Variants in IQGAP2 observed in about 807,000 individuals in gnomAD.
The protein encoded by IQGAP2 is IQ motif containing GTPase activating protein 2, also known as ras GTPase-activating-like protein IQGAP2.
Under a neutral mutation model 201.3 loss-of-function variants are expected in IQGAP2, and 173 were observed. The ratio of observed to expected loss-of-function variants is 0.86; its 90% CI spans 0.76 to 0.98. The LOEUF (loss-of-function observed/expected upper bound fraction) is 0.98, where lower values mean the gene tolerates loss of function less well. Among genes scored for constraint, IQGAP2 ranks in the 50% least tolerant of loss-of-function variants. The pLI, the probability that IQGAP2 is intolerant of heterozygous loss-of-function variation, is 0.00. For synonymous variants in IQGAP2, 675 were observed against 673.9 expected, an observed-to-expected ratio of 1.00 and a Z score of -0.03; for missense variants, 1,687 against 1,864.8, an observed-to-expected ratio of 0.90 and a Z score of 1.76.
chr5:76,590,658 T>C, intron 8 of IQGAP2, 72 bp downstream of exon 8: 3 of 1,142,046 alleles, frequency 2.6e-6, no homozygotes, highest in Non-Finnish European at 3.7e-6. Flanking sequence ...AGCCTTAATG[T>C]TGAAAGCAAT....
In IQGAP2 at chr5:76,477,727, TTATCATAGGAGATA is replaced by T. The variant is rs1310487861; in HGVS notation, c.146+16059_146+16072del. 5.3e-5 allele frequency among the ~76,000 whole-genome samples: 8 copies of T among 152,280 alleles called. 2 individuals carry two copies. The highest frequency in any genetic ancestry group is 1.9e-4 in the African/African-American group (8 of 41,552). On this transcript the variant is annotated intron_variant, in intron 2 of 35. Coordinates refer to ENST00000274364, the MANE Select transcript of IQGAP2 (RefSeq NM_006633.5). ...GGAGGCACTGGAGGAGAAGGCATTG[TTATCATAGGAGATA>T]ACAGCTCCATGCAGACCTTTCAGTG...
chr5:76,517,394 C>G (rs1758395822), intron 2 of IQGAP2, among the ~76,000 whole-genome samples: 1 of 152,086 alleles, frequency 6.6e-6, no homozygotes, highest in Non-Finnish European at 1.5e-5. Flanking sequence ...CATAATCATA[C>G]AGATTCATGC....
chr5:76,606,085 A>G, intron 11 of IQGAP2, 94 bp from the exon 12 acceptor site: 1 of 1,109,452 alleles, frequency 9.0e-7, no homozygotes, highest in Non-Finnish European at 1.3e-6. Context: ...TAACTTCATA[A>G]CAACTATGTT....
intron 17 of IQGAP2, among the ~76,000 whole-genome samples, chr5:76,645,159 T>G (rs1343719964): frequency 6.6e-6 from 1 of 152,054 alleles, no homozygotes; most frequent in Non-Finnish European, 1.5e-5. Context: ...TTCATCCATG[T>G]CCCTGCAAAG....
intron 1 of IQGAP2, 145 bp from the exon 2 acceptor site, chr5:76,461,425 A>T: frequency 1.9e-6 from 1 of 529,710 alleles, no homozygotes; most frequent in Admixed American, 3.4e-5. Context: ...TCCAAAGGCA[A>T]ATTTCTCTCT....
intron 2 of IQGAP2, among the ~76,000 whole-genome samples, chr5:76,462,418 A>G (rs1456985805): frequency 1.3e-5 from 2 of 152,162 alleles, no homozygotes; most frequent in African/African-American, 2.4e-5. Flanking sequence ...TTTAGATTAA[A>G]TAAATGTTGC....
At chr5:76,636,914 C>A in intron 15 of IQGAP2, 120 bp from the exon 16 acceptor site, 1 of 772,450 alleles carries the variant, frequency 1.3e-6, no homozygotes, top group East Asian at 3.0e-5. Flanking sequence ...CTTCTGATGC[C>A]TTTGGCTGTC....
At chr5:76,494,178 T>C (rs750192919) in intron 2 of IQGAP2, among the ~76,000 whole-genome samples, 3 of 152,176 alleles carry the variant, frequency 2.0e-5, no homozygotes, top group Non-Finnish European at 4.4e-5. Flanking sequence ...AAGGGCCAGG[T>C]GTATATTTTA....
intron 2 of IQGAP2, among the ~76,000 whole-genome samples, chr5:76,543,369 T>A (rs1029961149): frequency 6.6e-6 from 1 of 152,170 alleles, no homozygotes; most frequent in African/African-American, 2.4e-5. Context: ...GGTGAAGCAT[T>A]TCAGTGATCA....
chr5:76,495,263 G>T (rs1051570190), intron 2 of IQGAP2, among the ~76,000 whole-genome samples: 1 of 152,186 alleles, frequency 6.6e-6, no homozygotes, highest in African/African-American at 2.4e-5. Flanking sequence ...GAGCACAAAC[G>T]GTCTGCTCTG....
chr5:76,421,963 G>C (rs974747300), intron 1 of IQGAP2, among the ~76,000 whole-genome samples: 47 of 152,198 alleles, frequency 3.1e-4, no homozygotes, highest in African/African-American at 1.1e-3. Flanking sequence ...ATGGTAATCA[G>C]AATGAAATAA....
chr5:76,609,287 T>G, intron 12 of IQGAP2: 1 of 1,494,220 alleles, frequency 6.7e-7, no homozygotes, highest in Non-Finnish European at 9.0e-7. Context: ...AAATATTCCA[T>G]GCACTCCAGT....
chr5:76,507,928 G>C (rs541118924), intron 2 of IQGAP2, among the ~76,000 whole-genome samples: 1 of 146,256 alleles, frequency 6.8e-6, no homozygotes, highest in Non-Finnish European at 1.5e-5. Flanking sequence ...AGAATTGCTC[G>C]AACCTGGGAG....
At chr5:76,488,086 A>G (rs1158511412) in intron 2 of IQGAP2, among the ~76,000 whole-genome samples, 2 of 152,228 alleles carry the variant, frequency 1.3e-5, no homozygotes, top group African/African-American at 4.8e-5. Context: ...TTGGGGAATG[A>G]TACCAAGTCA....
At chr5:76,416,156 A>G (rs916570840) in intron 1 of IQGAP2, among the ~76,000 whole-genome samples, 1 of 152,198 alleles carries the variant, frequency 6.6e-6, no homozygotes, top group Non-Finnish European at 1.5e-5. Context: ...TGCCATGTAT[A>G]AGGTGGAATT....
intron 1 of IQGAP2, among the ~76,000 whole-genome samples, chr5:76,444,860 T>C (rs1371121677): frequency 6.6e-6 from 1 of 152,136 alleles, no homozygotes; most frequent in Non-Finnish European, 1.5e-5. Context: ...TTAAGTGCTT[T>C]TTGGAAATAA....
At chr5:76,532,714 T>C (rs930161949) in intron 2 of IQGAP2, among the ~76,000 whole-genome samples, 2 of 152,216 alleles carry the variant, frequency 1.3e-5, no homozygotes, top group African/African-American at 2.4e-5. Context: ...GGACTGGACC[T>C]GAAACAAGCC....
At chr5:76,450,925 A>G (rs1753700336) in intron 1 of IQGAP2, among the ~76,000 whole-genome samples, 1 of 151,928 alleles carries the variant, frequency 6.6e-6, no homozygotes, top group South Asian at 2.1e-4. Context: ...TCTTTTTTAA[A>G]TTGCCCTGAA....
At chr5:76,662,331 C>T (rs1021915353) in intron 21 of IQGAP2, among the ~76,000 whole-genome samples, 2 of 152,146 alleles carry the variant, frequency 1.3e-5, no homozygotes, top group African/African-American at 4.8e-5. Flanking sequence ...CTCTCATTAT[C>T]CTGCCTTCAC....
Sources: allele counts gnomAD v4.1 joint callset (sites outside exome capture counted in the v4.1 genomes callset), GRCh38; gene constraint gnomAD v4.1.1; transcripts MANE v1.5; gene names NCBI Gene and HGNC (gene_info 2026-07-23, HGNC 2026-07-21).